AKT2: variants seen among roughly 807,000 people sequenced by gnomAD.
AKT2 encodes AKT serine/threonine kinase 2.
Under a neutral mutation model 58.6 loss-of-function variants are expected in AKT2, and 16 were observed. The ratio of observed to expected loss-of-function variants is 0.27; its 90% CI spans 0.18 to 0.41. The LOEUF is 0.41. Among genes scored for constraint, AKT2 ranks in the 10% least tolerant of loss-of-function variants. The pLI is 1.00. For synonymous variants in AKT2, 253 were observed against 254.0 expected (o/e 1.00, Z 0.04); for missense variants, 438 against 661.0 (o/e 0.66, Z 3.70).
Position 40,234,490 on chromosome 19 carries a change from C to T in AKT2, c.1367-539G>A, listed in dbSNP as rs1373312882. Reference sequence around the variant, plus strand: ...GCTGCCGGTCCTTAGCTATGCCATGCTTCTCCCATTGCTGGCATCCCACAC... The same window carrying T: ...GCTGCCGGTCCTTAGCTATGCCATGTTTCTCCCATTGCTGGCATCCCACAC... On this transcript the variant is annotated intron_variant, in intron 13 of 13. Coordinates refer to ENST00000392038, the MANE Select transcript of AKT2 (RefSeq NM_001626.6). The surrounding 1 kb of genome is among the most constrained non-coding windows in gnomAD (Gnocchi z 4.7). 2 of 254,476 alleles carry T rather than the reference C, an allele frequency of 7.9e-6. No homozygotes were observed. The highest frequency in any genetic ancestry group is 8.4e-5 in the South Asian group (1 of 11,852). The allele number at this position is 254,476 out of a possible 1,614,324, so 15.8% of individuals were successfully genotyped here. A position where few individuals can be genotyped will look rare whatever the true frequency, so the allele number is the denominator to read the frequency against.
At chr19:40,236,772 C>T in intron 9 of AKT2, 1 of 309,502 alleles carries the variant, frequency 3.2e-6, no homozygotes, top group South Asian at 2.9e-5. Context: ...ACCTGTAATC[C>T]CAGCAATTTG....
At position 40,235,863 on chromosome 19, in the gene AKT2, C is replaced by T. The variant is rs1054721030; in HGVS notation, c.1175+27G>A. ...GACAGTGGCAGCAGCTGGCGCTGGG[C>T]TGGGTGGGGCCGACGCCAGCCCTCA... On this transcript the variant is annotated intron_variant, in intron 11 of 13. Transcript: ENST00000392038. This position sits in a 1 kb window ranked among gnomAD's most constrained non-coding sequence, Gnocchi z 6.3. 6.9e-6 allele frequency: 11 copies of T among 1,590,812 alleles called. No homozygotes were observed. In the East Asian group the frequency reaches 2.5e-4, roughly 36 times the overall value.
rs368346483 is a variant in AKT2 at position 40,265,212 on chromosome 19, G to A, written c.46+10C>T. On this transcript the variant is annotated intron_variant, in intron 2 of 13. Transcript: ENST00000392038. ...GAGAAAGAATCTGGCGGGCAAAAGCGGCCTCTTACCACGCTTGTGGAGCCA... is the reference window on the plus strand; with the variant it reads ...GAGAAAGAATCTGGCGGGCAAAAGCAGCCTCTTACCACGCTTGTGGAGCCA... 6.0e-5 allele frequency: 96 copies of A among 1,612,294 alleles called. No homozygotes were observed. The highest frequency in any genetic ancestry group is 5.1e-4 in the South Asian group (46 of 90,618).
At chr19:40,258,530 G>A (rs890392777) in intron 2 of AKT2, among the ~76,000 whole-genome samples, 3 of 151,832 alleles carry the variant, frequency 2.0e-5, no homozygotes, top group African/African-American at 7.3e-5. Context: ...GCCAGGAGTC[G>A]TTGCGTGTGC....
chr19:40,284,336 G>A (rs2077476026), intron 1 of AKT2, among the ~76,000 whole-genome samples: 1 of 152,162 alleles, frequency 6.6e-6, no homozygotes, highest in Non-Finnish European at 1.5e-5. Flanking sequence ...GACAACTTCA[G>A]TGACTTCTAA....
chr19:40,233,781 A>G lies in AKT2; in HGVS notation c.*91T>C. 2 of 1,356,168 alleles carry G rather than the reference A, an allele frequency of 1.5e-6. No homozygotes were observed. Among genetic ancestry groups the G allele is most frequent in the Admixed American group, 1.7e-5 (1 of 57,706 alleles). The allele number at this position is 1,356,168 out of a possible 1,614,324, so 84.0% of individuals were successfully genotyped here. On this transcript the variant is annotated 3_prime_UTR_variant, in exon 14 of 14. Transcript: ENST00000392038. The surrounding 1 kb of genome is among the most constrained non-coding windows in gnomAD (Gnocchi z 4.3). ...GGGGTGAGGAGGTGGGGGTGGGGACACAAACCAAAAAGGCTAAGTAAAAAG... is the reference window on the plus strand; with the variant it reads ...GGGGTGAGGAGGTGGGGGTGGGGACGCAAACCAAAAAGGCTAAGTAAAAAG...
chr19:40,245,704 G>A (rs1410828174), intron 4 of AKT2, among the ~76,000 whole-genome samples: 4 of 152,126 alleles, frequency 2.6e-5, no homozygotes, highest in African/African-American at 9.7e-5. Context: ...AATTACAAAA[G>A]GCACGCTGCC....
chr19:40,246,443 A>T (rs996381261), intron 4 of AKT2, among the ~76,000 whole-genome samples: 1 of 152,152 alleles, frequency 6.6e-6, no homozygotes, highest in African/African-American at 2.4e-5. Context: ...ATGCTTTATC[A>T]GACATAGTTG....
chr19:40,274,934 G>A, intron 1 of AKT2: 1 of 392,374 alleles, frequency 2.5e-6, no homozygotes, highest in Non-Finnish European at 5.2e-6. Context: ...CTTGCACCCA[G>A]GGCAGGGCAG....
intron 6 of AKT2, among the ~76,000 whole-genome samples, chr19:40,240,620 T>C (rs1001931084): frequency 3.3e-5 from 5 of 152,136 alleles, no homozygotes; most frequent in Non-Finnish European, 1.5e-5. Context: ...CACAAGCCCT[T>C]TGGGTGACTC....
chr19:40,256,950 G>A lies in AKT2; in HGVS notation c.151C>T (p.Pro51Ser), dbSNP rs201145928. 6.2e-7 allele frequency: 1 copy of A among 1,614,174 alleles called. No homozygotes were observed. The highest frequency in any genetic ancestry group is 8.5e-7 in the Non-Finnish European group (1 of 1,180,010). The change falls in exon 3 of 14, where the codon CCC becomes TCC. Residue 51 changes from proline to serine, a missense_variant. Around this residue, in one of 3 missense-constraint regions of AKT2, gnomAD observed 244 missense variants for 347.1 expected, o/e 0.70. Transcript: ENST00000392038. ...CCTGCTACGGAGAAGTTGTTTAAGG[G>A]GGGTAGAGTCTGATCAGGGGCCTCG... ...RPEAPDQTLP[P>S]LNNFSVAECQ... is the part of the protein sequence containing the mutation.
At chr19:40,275,274 C>T (rs544729861) in intron 1 of AKT2, 25 of 456,840 alleles carry the variant, frequency 5.5e-5, no homozygotes, top group South Asian at 3.7e-4. Context: ...CTGATGTGCA[C>T]GCATGCACGG....
Position 40,284,208 on chromosome 19 carries a change from G to A in AKT2, c.-85+973C>T, listed in dbSNP as rs544018461. On this transcript the variant is annotated intron_variant, in intron 1 of 13. Coordinates refer to ENST00000392038, the MANE Select transcript of AKT2 (RefSeq NM_001626.6). ...AAGATGCCCCCAGAGAGCTTCCCTG[G>A]GGGGAAGAGGTGTTCCCCCAAACAC... is the stretch of plus-strand genomic sequence containing the variant. 3.3e-5 allele frequency among the ~76,000 whole-genome samples: 5 copies of A among 152,208 alleles called. No individual in the cohort carries two copies. The South Asian group carries it at 1.0e-3, about 32-fold the overall frequency.
chr19:40,261,495 G>A (rs915948906), intron 2 of AKT2, among the ~76,000 whole-genome samples: 7 of 150,930 alleles, frequency 4.6e-5, no homozygotes, highest in African/African-American at 9.7e-5. Flanking sequence ...ATCGCGCCAC[G>A]GCACTCCAGC....
At chr19:40,253,410 A>G (rs1235338969) in intron 4 of AKT2, among the ~76,000 whole-genome samples, 1 of 151,564 alleles carries the variant, frequency 6.6e-6, no homozygotes. Context: ...CTTAATCTAT[A>G]AAGAGCTAAT....
At chr19:40,280,550 T>C (rs2077405436) in intron 1 of AKT2, among the ~76,000 whole-genome samples, 1 of 152,152 alleles carries the variant, frequency 6.6e-6, no homozygotes, top group Admixed American at 6.5e-5. Context: ...CTGCTGAAAT[T>C]CCAAACTCCT....
chr19:40,268,345 T>C, intron 1 of AKT2, among the ~76,000 whole-genome samples: 1 of 152,216 alleles, frequency 6.6e-6, no homozygotes, highest in Admixed American at 6.5e-5. Flanking sequence ...GCCTACTGCC[T>C]GGCGCCCAGT....
rs765887637 is a variant in AKT2, at chr19:40,240,331, G to A, written c.574-221C>T. The A allele has an allele frequency of 2.2e-5, 16 of 729,098 alleles. No homozygotes were observed. The Admixed American group carries it at 3.1e-4, about 14-fold the overall frequency. 45.2% of individuals were successfully genotyped at this position (729,098 alleles called of 1,614,324 possible). ...AAAGCCACAGGTGAAAAGTCAGCAG[G>A]AATGTCACAATGTAAGGACCAGGCT... On this transcript the variant is annotated intron_variant, in intron 6 of 13. Coordinates refer to ENST00000392038, the MANE Select transcript of AKT2 (RefSeq NM_001626.6).
intron 1 of AKT2, chr19:40,270,654 G>C (rs1158010655): frequency 6.6e-6 from 1 of 152,144 alleles, no homozygotes; most frequent in African/African-American, 2.4e-5. Flanking sequence ...AGCCTCTGTC[G>C]CCTGCACTCA....
Sources: allele counts gnomAD v4.1 joint callset (sites outside exome capture counted in the v4.1 genomes callset), GRCh38; gene constraint gnomAD v4.1.1; regional missense constraint gnomAD v4.1.1; non-coding constraint Gnocchi (gnomAD v3.1); transcripts MANE v1.5; gene names NCBI Gene and HGNC (gene_info 2026-07-23, HGNC 2026-07-21).